The following SPATA6 variants were observed in gnomAD, a reference collection of about 807,000 sequenced individuals.
SPATA6 encodes spermatogenesis associated 6.
In SPATA6, 56 loss-of-function variants were observed where a neutral mutation model predicts 65.3. The observed-to-expected ratio is 0.86, with a 90% CI of 0.69 to 1.07. The LOEUF (loss-of-function observed/expected upper bound fraction) is 1.07, where lower values mean the gene tolerates loss of function less well. SPATA6 is among the 50% of genes least tolerant of loss of function. The probability of loss-of-function intolerance (pLI) is 0.00; values close to 1 mark genes in which losing one functional copy is unlikely to be tolerated. For synonymous variants in SPATA6, 199 were observed against 213.2 expected (o/e 0.93, Z 0.58); for missense variants, 590 against 594.8 (o/e 0.99, Z 0.08).
chr1:48,266,706 A>G, the SPATA6 span, among the ~76,000 whole-genome samples: 1 of 152,290 alleles, frequency 6.6e-6, no homozygotes, highest in East Asian at 1.9e-4. Context: ...CTTTTCTTTC[A>G]TTTGGCAAAA....
chr1:48,402,393 A>C (rs1327788633), intron 6 of SPATA6, among the ~76,000 whole-genome samples: 5 of 152,140 alleles, frequency 3.3e-5, no homozygotes, highest in African/African-American at 1.2e-4. Flanking sequence ...AGCGTGAAGA[A>C]AAAAAAACTG....
chr1:48,375,836 A>C (rs1647829301), intron 9 of SPATA6, among the ~76,000 whole-genome samples: 1 of 152,142 alleles, frequency 6.6e-6, no homozygotes, highest in South Asian at 2.1e-4. Context: ...GATATTTTAG[A>C]CTTGCAATGG....
intron 11 of SPATA6, among the ~76,000 whole-genome samples, chr1:48,317,087 A>C (rs975112537): frequency 3.3e-5 from 5 of 152,234 alleles, no homozygotes; most frequent in Admixed American, 6.5e-5. Flanking sequence ...GTGGGACTGT[A>C]AACTAGTTCA....
Position 48,387,632 on chromosome 1 carries a change from C to G in SPATA6, c.869-2283G>C, listed in dbSNP as rs145852798. ...GCACTTGTTCACATCATCAGGGAGCCTGAGGCAAGCAAGACAGGCCTGACT... is the reference window on the plus strand; with the variant it reads ...GCACTTGTTCACATCATCAGGGAGCGTGAGGCAAGCAAGACAGGCCTGACT... On this transcript the variant is annotated intron_variant, in intron 8 of 12. Coordinates refer to ENST00000371847, the MANE Select transcript of SPATA6 (RefSeq NM_019073.4). Among the ~76,000 whole-genome samples the G allele has an allele frequency of 9.8e-4, 149 of 152,264 alleles. 1 individual carries two copies. The highest frequency in any genetic ancestry group is 9.0e-3 in the Admixed American group (138 of 15,298).
At chr1:48,366,256 T>A (rs538993083) in intron 9 of SPATA6, among the ~76,000 whole-genome samples, 5 of 152,298 alleles carry the variant, frequency 3.3e-5, no homozygotes, top group Non-Finnish European at 7.4e-5. Context: ...TAAAATTCTC[T>A]TTTTTGGTTG....
intron 9 of SPATA6, among the ~76,000 whole-genome samples, chr1:48,378,516 A>G (rs147096619): frequency 0.073 from 11,103 of 152,288 alleles, 449 homozygotes; most frequent in Non-Finnish European, 0.093. Flanking sequence ...TTGGACTTAC[A>G]GTTCCACACG....
At chr1:48,358,899 C>CT (rs1290407538) in intron 10 of SPATA6, among the ~76,000 whole-genome samples, 12 of 152,164 alleles carry the variant, frequency 7.9e-5, no homozygotes, top group Non-Finnish European at 4.4e-5. Context: ...TTTAATATAG[C>CT]ATCCAAACTA....
In SPATA6 at chr1:48,472,082, G is replaced by A. The variant is rs1658312234; in HGVS notation, c.-74C>T. 1 of 1,185,916 alleles carries A rather than the reference G, an allele frequency of 8.4e-7. No homozygotes were observed. Among genetic ancestry groups the A allele is most frequent in the Non-Finnish European group, 1.1e-6 (1 of 885,914 alleles). The allele number at this position is 1,185,916 out of a possible 1,614,324, so 73.5% of individuals were successfully genotyped here. On this transcript the variant is annotated 5_prime_UTR_variant, in exon 1 of 13. Transcript: ENST00000371847. ...GAGGCGGGGAGACCTGGGGCTGGGC[G>A]GGGACGGGGAGGAGACGAGGTGGCG...
At chr1:48,351,141 T>C (rs1310433644) in intron 11 of SPATA6, among the ~76,000 whole-genome samples, 1 of 151,932 alleles carries the variant, frequency 6.6e-6, no homozygotes, top group African/African-American at 2.4e-5. Context: ...ATCTTATAAC[T>C]TAAAATTTCA....
At chr1:48,303,884 G>A (rs1174122467) in intron 12 of SPATA6, among the ~76,000 whole-genome samples, 1 of 152,078 alleles carries the variant, frequency 6.6e-6, no homozygotes, top group Admixed American at 6.5e-5. Context: ...TTTCTTTGGG[G>A]GAAGAGGATT....
rs1570332116 is a variant in SPATA6 at position 48,368,028 on chromosome 1, A to G, written c.910-8258T>C. On this transcript the variant is annotated intron_variant, in intron 9 of 12. Transcript: ENST00000371847. ...TCTCTCAGCATTTGCTTGTCTGTAT[A>G]GTATTTTATTTCTCCTTCACTTATG... Among the ~76,000 whole-genome samples, 2 of 152,162 alleles carry G rather than the reference A, an allele frequency of 1.3e-5. 1 individual carries two copies. Among genetic ancestry groups the G allele is most frequent in the African/African-American group, 4.8e-5 (2 of 41,430 alleles).
At chr1:48,408,581 G>A (rs1651918433) in intron 5 of SPATA6, among the ~76,000 whole-genome samples, 1 of 152,148 alleles carries the variant, frequency 6.6e-6, no homozygotes, top group Non-Finnish European at 1.5e-5. Flanking sequence ...GGCTCTTAGT[G>A]TACCAGAGAG....
chr1:48,343,911 T>C (rs1358909392), intron 11 of SPATA6, among the ~76,000 whole-genome samples: 5 of 152,132 alleles, frequency 3.3e-5, no homozygotes, highest in Admixed American at 1.3e-4. Context: ...AATCCCCAGT[T>C]AATAACAGTA....
At chr1:48,390,635 T>G (rs1038009641) in intron 8 of SPATA6, among the ~76,000 whole-genome samples, 2 of 152,218 alleles carry the variant, frequency 1.3e-5, no homozygotes, top group Non-Finnish European at 2.9e-5. Context: ...TAATTGATCA[T>G]CACACATTCC....
chr1:48,424,913 G>A (rs963660805), intron 3 of SPATA6, among the ~76,000 whole-genome samples: 2 of 152,138 alleles, frequency 1.3e-5, no homozygotes. Context: ...GGGGCAGTTT[G>A]TAAATATTTT....
At chr1:48,449,775 T>C (rs1393858459) in intron 3 of SPATA6, among the ~76,000 whole-genome samples, 4 of 152,216 alleles carry the variant, frequency 2.6e-5, no homozygotes, top group Non-Finnish European at 5.9e-5. Context: ...TTTTGTTAGG[T>C]GTGATACCAG....
intron 8 of SPATA6, among the ~76,000 whole-genome samples, chr1:48,394,794 C>G (rs956233673): frequency 5.9e-5 from 9 of 151,930 alleles, no homozygotes; most frequent in African/African-American, 2.2e-4. Flanking sequence ...ACTCAATACC[C>G]TTAATTATAC....
intron 3 of SPATA6, among the ~76,000 whole-genome samples, chr1:48,414,543 A>G (rs1417971390): frequency 6.6e-6 from 1 of 152,124 alleles, no homozygotes; most frequent in Non-Finnish European, 1.5e-5. Context: ...CATATCTAGC[A>G]TTCCACACAG....
At chr1:48,275,394 G>C in the SPATA6 span, among the ~76,000 whole-genome samples, 3 of 152,346 alleles carry the variant, frequency 2.0e-5, no homozygotes, top group East Asian at 5.8e-4. Context: ...GGAGTGGTAA[G>C]AGAGGGCATC....
Sources: gnomAD v4.1 joint callset for allele counts (sites outside exome capture counted in the v4.1 genomes callset) on GRCh38, gnomAD v4.1.1 for gene constraint, MANE v1.5 for transcripts, NCBI Gene and HGNC (gene_info 2026-07-23, HGNC 2026-07-21) for gene names.